ADGRG6: variants seen among roughly 807,000 people sequenced by gnomAD.
ADGRG6 encodes adhesion G protein-coupled receptor G6.
ADGRG6 carries 84 observed loss-of-function variants against 142.4 expected under a neutral mutation model. The observed-to-expected ratio is 0.59, with a 90% CI of 0.49 to 0.71. ADGRG6 has a LOEUF of 0.71. Ranked by LOEUF, ADGRG6 falls within the 30% of genes least tolerant of loss-of-function variation. ADGRG6 has a pLI of 0.00. For missense variants in ADGRG6, 1,367 were observed against 1,466.6 expected, an observed-to-expected ratio of 0.93 and a Z score of 1.11; for synonymous variants, 521 against 520.5, an observed-to-expected ratio of 1.00 and a Z score of -0.01.
chr6:142,324,121 G>A (rs916323607), intron 2 of ADGRG6, among the ~76,000 whole-genome samples: 1 of 152,126 alleles, frequency 6.6e-6, no homozygotes, highest in African/African-American at 2.4e-5. Flanking sequence ...TTTTTTGAAT[G>A]TCCTTTATTC....
chr6:142,371,477 T>G (rs1781251726), intron 4 of ADGRG6, among the ~76,000 whole-genome samples: 1 of 135,738 alleles, frequency 7.4e-6, no homozygotes, highest in Non-Finnish European at 1.5e-5. Context: ...AGTTACTGTT[T>G]TTTTTTGTTT....
chr6:142,373,987 G>T (rs1781379293), intron 4 of ADGRG6, among the ~76,000 whole-genome samples: 2 of 148,646 alleles, frequency 1.3e-5, no homozygotes, highest in Non-Finnish European at 3.0e-5. Context: ...CTTCTGAGTA[G>T]CTGGGACTAA....
At chr6:142,394,157 A>G (rs1583084311) in intron 9 of ADGRG6, among the ~76,000 whole-genome samples, 199 bp downstream of exon 9, 5 of 152,196 alleles carry the variant, frequency 3.3e-5, no homozygotes, top group Admixed American at 1.3e-4. Context: ...TGTATATCCA[A>G]TGAAAAATAA....
At chr6:142,376,359 C>T (rs1226300337) in intron 4 of ADGRG6, among the ~76,000 whole-genome samples, 5 of 152,256 alleles carry the variant, frequency 3.3e-5, no homozygotes, top group African/African-American at 1.2e-4. Context: ...AAACAAATTA[C>T]ATTTATTTTA....
intron 14 of ADGRG6, among the ~76,000 whole-genome samples, chr6:142,404,705 G>A (rs1339515094): frequency 6.6e-6 from 1 of 152,020 alleles, no homozygotes; most frequent in Admixed American, 6.6e-5. Flanking sequence ...ACAGATTTCT[G>A]GGACCTACTC....
chr6:142,391,356 T>G (rs2114973258), intron 7 of ADGRG6, among the ~76,000 whole-genome samples: 1 of 150,992 alleles, frequency 6.6e-6, no homozygotes, highest in South Asian at 2.1e-4. Flanking sequence ...GAAAAATGGG[T>G]TTTCATATAT....
chr6:142,393,117 C>T (rs1330027863), intron 8 of ADGRG6, 117 bp downstream of exon 8: 4 of 585,812 alleles, frequency 6.8e-6, no homozygotes, highest in South Asian at 4.6e-5. Context: ...CTACTATATA[C>T]ATAATCTTTC....
chr6:142,440,963 C>T (rs200837442), intron 24 of ADGRG6: 18 of 1,451,990 alleles, frequency 1.2e-5, no homozygotes, highest in Middle Eastern at 1.9e-4. Flanking sequence ...GGTAAACTTT[C>T]GTTACTTTTT....
chr6:142,376,010 T>C (rs868027891), intron 4 of ADGRG6, among the ~76,000 whole-genome samples: 3 of 152,148 alleles, frequency 2.0e-5, no homozygotes, highest in Non-Finnish European at 2.9e-5. Flanking sequence ...AGCAGATTTT[T>C]AAAAACATGG....
chr6:142,420,344 G>T (rs886195101), intron 22 of ADGRG6, among the ~76,000 whole-genome samples: 2 of 152,140 alleles, frequency 1.3e-5, no homozygotes. Flanking sequence ...GTACCTGGCA[G>T]ATAGTAGGTA....
At chr6:142,360,365 A>G (rs1455993741) in intron 2 of ADGRG6, among the ~76,000 whole-genome samples, 1 of 152,220 alleles carries the variant, frequency 6.6e-6, no homozygotes, top group Non-Finnish European at 1.5e-5. Context: ...GAGATTAGCC[A>G]GCGAGAATGA....
chr6:142,417,306 C>A lies in ADGRG6; in HGVS notation c.2972C>A (p.Ala991Glu). ...GCCTTAGTGGTGTCAGTTGTTCTAG[C>A]GAGCAGAAACAACAATGAAGTCTAT... ...LPALVVSVVL[A>E]SRNNNEVYGK... Residue 991 changes from alanine to glutamate, a missense_variant, in exon 21 of 25, where the codon GCG (alanine) becomes GAG (glutamate). Ala to Glu is a moderately radical substitution (Grantham distance 107, BLOSUM62 -1). Around this residue, in one of 3 missense-constraint regions of ADGRG6, gnomAD observed 344 missense variants for 348.7 expected, o/e 0.99. Transcript: ENST00000367609. The A allele has an allele frequency of 6.2e-7, 1 of 1,603,280 alleles. No homozygotes were observed. The highest frequency in any genetic ancestry group is 8.5e-7 in the Non-Finnish European group (1 of 1,171,796).
intron 2 of ADGRG6, 101 bp downstream of exon 2, chr6:142,309,745 CTTT>C: frequency 1.1e-5 from 6 of 527,082 alleles, no homozygotes; most frequent in Admixed American, 4.2e-5. Context: ...TACTTACTGC[CTTT>C]TTTTTTTTTC....
chr6:142,308,251 C>T (rs902358671), intron 1 of ADGRG6, among the ~76,000 whole-genome samples: 1 of 152,012 alleles, frequency 6.6e-6, no homozygotes, highest in East Asian at 1.9e-4. Flanking sequence ...CATTGCTGTT[C>T]CTTATTTTAC....
intron 2 of ADGRG6, among the ~76,000 whole-genome samples, chr6:142,335,158 A>T (rs1419260527): frequency 6.6e-6 from 1 of 152,190 alleles, no homozygotes; most frequent in Non-Finnish European, 1.5e-5. Flanking sequence ...AGTATTGAGA[A>T]CCAAGAGATC....
chr6:142,379,553 G>A (rs1157856298), intron 4 of ADGRG6, among the ~76,000 whole-genome samples: 1 of 152,166 alleles, frequency 6.6e-6, no homozygotes, highest in Non-Finnish European at 1.5e-5. Flanking sequence ...GGATCACGAG[G>A]TCAGGAGATT....
intron 2 of ADGRG6, among the ~76,000 whole-genome samples, chr6:142,349,216 G>A (rs72988320): frequency 0.034 from 5,124 of 152,298 alleles, 127 homozygotes; most frequent in Non-Finnish European, 0.047. Flanking sequence ...AGATGTTGCA[G>A]ATAAAGTTCC....
chr6:142,328,457 C>T (rs1275224026), intron 2 of ADGRG6, among the ~76,000 whole-genome samples: 1 of 152,176 alleles, frequency 6.6e-6, no homozygotes, highest in African/African-American at 2.4e-5. Context: ...CCACCTTGGC[C>T]TCCCAAAGTT....
intron 22 of ADGRG6, among the ~76,000 whole-genome samples, chr6:142,434,629 C>T (rs578136208): frequency 6.6e-5 from 10 of 152,110 alleles, no homozygotes; most frequent in African/African-American, 2.4e-4. Context: ...CCCTGAAGAA[C>T]TTTTTATGGG....
Sources: gnomAD v4.1 joint callset for allele counts (sites outside exome capture counted in the v4.1 genomes callset) on GRCh38, gnomAD v4.1.1 for gene constraint, gnomAD v4.1.1 regional missense constraint, MANE v1.5 for transcripts, NCBI Gene and HGNC (gene_info 2026-07-23, HGNC 2026-07-21) for gene names.